Variants in KLHDC4 observed in about 807,000 individuals in gnomAD.
KLHDC4 encodes kelch domain containing 4.
A neutral mutation model predicts 62.4 loss-of-function variants in KLHDC4; 90 were observed. That is an observed-to-expected ratio of 1.44 (90% CI 1.22 to 1.72). The LOEUF (loss-of-function observed/expected upper bound fraction) is 1.72, where lower values mean the gene tolerates loss of function less well. KLHDC4 is among the 40% of genes most tolerant of loss of function. KLHDC4 has a pLI of 0.00. For synonymous variants in KLHDC4, 386 were observed against 284.4 expected (o/e 1.36, Z -3.59); for missense variants, 1,025 against 699.7 (o/e 1.47, Z -5.25).
intron 1 of KLHDC4, among the ~76,000 whole-genome samples, chr16:87,763,977 C>A (rs1056114237): frequency 1.3e-5 from 2 of 152,106 alleles, no homozygotes; most frequent in African/African-American, 4.8e-5. Flanking sequence ...TGGAGTGAGC[C>A]CAGGGAGACA....
downstream of KLHDC4, among the ~76,000 whole-genome samples, chr16:87,705,913 A>G (rs1344603102): frequency 6.6e-6 from 1 of 152,252 alleles, no homozygotes; most frequent in Non-Finnish European, 1.5e-5. Flanking sequence ...GCACTCAGAC[A>G]AAGTGCCCAG....
At chr16:87,736,129 T>G (rs1271643954) in intron 5 of KLHDC4, among the ~76,000 whole-genome samples, 1 of 152,076 alleles carries the variant, frequency 6.6e-6, no homozygotes, top group East Asian at 1.9e-4. Context: ...GCTGTCCGAG[T>G]GCACGCACAC....
At chr16:87,722,306 G>T (rs1028538323) in intron 7 of KLHDC4, among the ~76,000 whole-genome samples, 13 of 152,162 alleles carry the variant, frequency 8.5e-5, no homozygotes, top group African/African-American at 3.1e-4. Flanking sequence ...TCCTCCCAAG[G>T]CTACTCAGAT....
downstream of KLHDC4, among the ~76,000 whole-genome samples, chr16:87,703,861 G>C (rs889663430): frequency 6.6e-6 from 1 of 152,246 alleles, no homozygotes; most frequent in Non-Finnish European, 1.5e-5. Context: ...CATTGCTGCA[G>C]CTCTCTCGTG....
intron 7 of KLHDC4, among the ~76,000 whole-genome samples, chr16:87,716,349 G>A (rs987592776): frequency 6.6e-6 from 1 of 152,072 alleles, no homozygotes; most frequent in African/African-American, 2.4e-5. Context: ...GTAGACTCTG[G>A]GTACGCGCTA....
At chr16:87,740,099 C>T (rs1257418300) in intron 5 of KLHDC4, among the ~76,000 whole-genome samples, 1 of 152,154 alleles carries the variant, frequency 6.6e-6, no homozygotes, top group Non-Finnish European at 1.5e-5. Context: ...CGAATCTCCC[C>T]CAACCCCCTG....
intron 1 of KLHDC4, chr16:87,765,171 C>A (rs1242247424): frequency 1.5e-5 from 7 of 455,968 alleles, no homozygotes; most frequent in Admixed American, 4.7e-5. Context: ...AACACTCAAC[C>A]CCAAGGTCAG....
intron 10 of KLHDC4, among the ~76,000 whole-genome samples, chr16:87,708,884 C>G (rs945466024): frequency 1.3e-5 from 2 of 152,238 alleles, no homozygotes; most frequent in African/African-American, 2.4e-5. Context: ...GTAAAGGGGA[C>G]GTGTGACTAC....
At chr16:87,726,706 C>A (rs2039410090) in intron 7 of KLHDC4, 59 bp downstream of exon 7, 1 of 1,329,338 alleles carries the variant, frequency 7.5e-7, no homozygotes, top group Non-Finnish European at 9.7e-7. Context: ...TCTCCCCACC[C>A]CGCGCCTCGC....
chr16:87,759,900 C>A (rs749676156), intron 2 of KLHDC4, among the ~76,000 whole-genome samples: 2 of 152,178 alleles, frequency 1.3e-5, no homozygotes, highest in African/African-American at 2.4e-5. Context: ...GCGGCACCAG[C>A]CCAGGTGTTG....
chr16:87,753,502 A>T (rs1367892160), intron 4 of KLHDC4, among the ~76,000 whole-genome samples: 3 of 152,172 alleles, frequency 2.0e-5, no homozygotes, highest in African/African-American at 7.2e-5. Context: ...GATAGGTGAA[A>T]AAATCCAGAC....
chr16:87,744,358 T>C (rs1229460309), intron 5 of KLHDC4, among the ~76,000 whole-genome samples: 2 of 149,482 alleles, frequency 1.3e-5, no homozygotes, highest in East Asian at 4.0e-4. Flanking sequence ...GAGGTGGCAG[T>C]GAGCCGAGAT....
At chr16:87,740,273 G>C (rs1316300071) in intron 5 of KLHDC4, among the ~76,000 whole-genome samples, 2 of 152,188 alleles carry the variant, frequency 1.3e-5, no homozygotes, top group South Asian at 4.1e-4. Flanking sequence ...GAGAGCTCCA[G>C]TGATCCCACC....
At chr16:87,706,348 T>C (rs1404798130), downstream of KLHDC4, among the ~76,000 whole-genome samples, 3 of 97,112 alleles carry the variant, frequency 3.1e-5, no homozygotes, top group Admixed American at 1.5e-4. Flanking sequence ...GTTGGCGCAA[T>C]GCAAACACAA....
downstream of KLHDC4, among the ~76,000 whole-genome samples, chr16:87,703,868 C>T (rs566974077): frequency 2.0e-5 from 3 of 152,192 alleles, no homozygotes; most frequent in Non-Finnish European, 2.9e-5. Context: ...GCAGCTCTCT[C>T]GTGAAAGAGT....
chr16:87,721,445 C>CCAGAAA (rs2038325266), intron 7 of KLHDC4, among the ~76,000 whole-genome samples: 1 of 150,508 alleles, frequency 6.6e-6, no homozygotes, highest in African/African-American at 2.4e-5. Context: ...AAAAATACAC[C>CCAGAAA]CAGAAACAGG....
intron 1 of KLHDC4, among the ~76,000 whole-genome samples, chr16:87,763,021 C>T (rs1009593589): frequency 3.3e-5 from 5 of 152,202 alleles, no homozygotes; most frequent in South Asian, 4.1e-4. Flanking sequence ...CCTCGTGCTT[C>T]CTTCAGTCTA....
At chr16:87,746,351 AAGAG>A (rs929112323) in intron 5 of KLHDC4, among the ~76,000 whole-genome samples, 40 of 152,040 alleles carry the variant, frequency 2.6e-4, no homozygotes, top group African/African-American at 8.2e-4. Context: ...CAAGACCACA[AAGAG>A]AGAAAGAGAG....
At chr16:87,719,650 C>G (rs2037848622) in intron 7 of KLHDC4, among the ~76,000 whole-genome samples, 1 of 147,938 alleles carries the variant, frequency 6.8e-6, no homozygotes, top group Admixed American at 6.8e-5. Flanking sequence ...GAGAAACACC[C>G]AAGAATGATC....
Sources: allele counts gnomAD v4.1 joint callset (sites outside exome capture counted in the v4.1 genomes callset), GRCh38; gene constraint gnomAD v4.1.1; transcripts MANE v1.5; gene names NCBI Gene and HGNC (gene_info 2026-07-23, HGNC 2026-07-21).